The following GRIN2A variants were observed in gnomAD, a reference collection of about 807,000 sequenced individuals.
GRIN2A encodes glutamate receptor ionotropic, NMDA 2A.
A neutral mutation model predicts 113.4 loss-of-function variants in GRIN2A; 22 were observed. The observed-to-expected ratio is 0.19, with a 90% CI of 0.14 to 0.28. The LOEUF is 0.28. GRIN2A is among the 10% of genes least tolerant of loss of function. The pLI, the probability that GRIN2A is intolerant of heterozygous loss-of-function variation, is 1.00. For missense variants in GRIN2A, 1,502 were observed against 1,887.0 expected (o/e 0.80, Z 3.78); for synonymous variants, 827 against 738.4 (o/e 1.12, Z -1.94).
intron 11 of GRIN2A, among the ~76,000 whole-genome samples, chr16:9,790,140 T>C (rs565505516): frequency 6.6e-6 from 1 of 152,282 alleles, no homozygotes; most frequent in South Asian, 2.1e-4. Flanking sequence ...TACTGGAGGC[T>C]TTTATGATTT....
At chr16:10,021,043 C>T (rs548691241) in intron 2 of GRIN2A, among the ~76,000 whole-genome samples, 2 of 152,306 alleles carry the variant, frequency 1.3e-5, no homozygotes, top group African/African-American at 4.8e-5. Flanking sequence ...AACATCTAAT[C>T]AGCCCTAATT....
chr16:9,964,059 C>T (rs548866664), intron 2 of GRIN2A, among the ~76,000 whole-genome samples: 7 of 152,108 alleles, frequency 4.6e-5, no homozygotes, highest in Non-Finnish European at 1.0e-4. Flanking sequence ...GGGTTGATTG[C>T]AAATTTGGAG....
At chr16:10,010,298 TA>T (rs1160221907) in intron 2 of GRIN2A, among the ~76,000 whole-genome samples, 1 of 152,232 alleles carries the variant, frequency 6.6e-6, no homozygotes, top group Admixed American at 6.5e-5. Flanking sequence ...TCCACAGCCT[TA>T]TTTTTCTTAG....
At chr16:9,852,056 G>T (rs962064101) in intron 4 of GRIN2A, among the ~76,000 whole-genome samples, 2 of 152,122 alleles carry the variant, frequency 1.3e-5, no homozygotes, top group African/African-American at 2.4e-5. Context: ...TAACTTTTGA[G>T]CACTCCTGTA....
At chr16:9,768,711 A>C in intron 12 of GRIN2A, 140 bp downstream of exon 12, 1 of 768,908 alleles carries the variant, frequency 1.3e-6, no homozygotes. Flanking sequence ...TTATGAATGC[A>C]CAAAATCTGG....
chr16:9,989,520 C>G (rs2046058609), intron 2 of GRIN2A, among the ~76,000 whole-genome samples: 1 of 150,326 alleles, frequency 6.7e-6, no homozygotes, highest in Non-Finnish European at 1.5e-5. Context: ...GCAAATGCAA[C>G]AAAAAAAAAT....
chr16:9,887,786 G>A (rs1347773759), intron 4 of GRIN2A, among the ~76,000 whole-genome samples: 3 of 152,134 alleles, frequency 2.0e-5, no homozygotes, highest in South Asian at 2.1e-4. Context: ...TTGGCCAGGC[G>A]CGTGGCTCAC....
Position 9,761,729 on chromosome 16 carries a change from G to T in GRIN2A, c.*1420C>A. ...CTGTCTCTAACTTAAAAAAAAAATG[G>T]ATATCATTTCATGTCATATATGCAC... On this transcript the variant is annotated 3_prime_UTR_variant, in exon 13 of 13. Coordinates refer to ENST00000330684, the MANE Select transcript of GRIN2A (RefSeq NM_001134407.3). The T allele has an allele frequency of 4.5e-6, 1 of 220,436 alleles. No homozygotes were observed. The highest frequency in any genetic ancestry group is 9.1e-6 in the Non-Finnish European group (1 of 110,062). 13.7% of individuals were successfully genotyped at this position (220,436 alleles called of 1,614,324 possible).
chr16:9,980,836 T>G (rs2045878256), intron 2 of GRIN2A, among the ~76,000 whole-genome samples: 2 of 71,816 alleles, frequency 2.8e-5, no homozygotes, highest in South Asian at 1.1e-3. Context: ...CAGGGACTGT[T>G]GTGGGGTGGG....
intron 2 of GRIN2A, among the ~76,000 whole-genome samples, chr16:10,101,834 G>A (rs1407557714): frequency 6.6e-6 from 1 of 152,168 alleles, no homozygotes; most frequent in Non-Finnish European, 1.5e-5. Flanking sequence ...AGGAGGGAAT[G>A]GTTATTGCTA....
intron 4 of GRIN2A, among the ~76,000 whole-genome samples, chr16:9,861,115 C>T (rs144383926): frequency 6.0e-4 from 91 of 152,212 alleles, no homozygotes; most frequent in Non-Finnish European, 1.0e-3. Context: ...TCTGGCTGGA[C>T]CCAGTTAGCT....
At chr16:9,812,109 T>A (rs1249242831) in intron 10 of GRIN2A, among the ~76,000 whole-genome samples, 1 of 152,144 alleles carries the variant, frequency 6.6e-6, no homozygotes, top group Non-Finnish European at 1.5e-5. Context: ...ATGAGAACAG[T>A]CATATTTTTT....
chr16:9,958,897 G>A (rs1342297209), intron 2 of GRIN2A, among the ~76,000 whole-genome samples: 1 of 152,170 alleles, frequency 6.6e-6, no homozygotes, highest in East Asian at 1.9e-4. Flanking sequence ...TACAGAAGGT[G>A]CCAGTGAATA....
intron 2 of GRIN2A, among the ~76,000 whole-genome samples, chr16:10,001,127 G>A (rs771446172): frequency 6.6e-4 from 101 of 152,188 alleles, no homozygotes; most frequent in African/African-American, 1.6e-3. Flanking sequence ...TCCTTTCTTC[G>A]CCTCAGTTTC....
chr16:10,086,884 C>A (rs1425821497), intron 2 of GRIN2A, among the ~76,000 whole-genome samples: 1 of 152,190 alleles, frequency 6.6e-6, no homozygotes, highest in African/African-American at 2.4e-5. Context: ...GCCTACCTAG[C>A]TGGATGATCC....
chr16:10,013,293 T>A (rs937055396), intron 2 of GRIN2A, among the ~76,000 whole-genome samples: 9 of 152,220 alleles, frequency 5.9e-5, no homozygotes, highest in Admixed American at 4.6e-4. Flanking sequence ...TTTCCTCTGT[T>A]CCTCTCCCAC....
chr16:9,768,238 AG>A lies in GRIN2A; in HGVS notation c.2595+612del, dbSNP rs200993589. Among the ~76,000 whole-genome samples, 409 of 150,982 alleles carry A rather than the reference AG, an allele frequency of 2.7e-3. 1 individual carries two copies. The highest frequency in any genetic ancestry group is 9.4e-3 in the African/African-American group (385 of 41,164). On this transcript the variant is annotated intron_variant, in intron 12 of 12. Transcript: ENST00000330684. ...TAATTTTTTGTGTTTTTAGTAGAGAAGGGGGGGGTCTCACCGTGTTAGCCAG... is the reference window on the plus strand; with the variant it reads ...TAATTTTTTGTGTTTTTAGTAGAGAAGGGGGGGTCTCACCGTGTTAGCCAG...
At chr16:10,014,712 G>A (rs1193336589) in intron 2 of GRIN2A, among the ~76,000 whole-genome samples, 1 of 152,044 alleles carries the variant, frequency 6.6e-6, no homozygotes, top group Non-Finnish European at 1.5e-5. Flanking sequence ...AAGAAATGAG[G>A]GTGTCTCAAG....
chr16:9,807,257 G>C (rs1335855874), intron 10 of GRIN2A, among the ~76,000 whole-genome samples: 1 of 26,562 alleles, frequency 3.8e-5, no homozygotes, highest in African/African-American at 1.8e-4. Context: ...GGAGGGGAGA[G>C]AGGGAGGGAG....
Sources: allele counts gnomAD v4.1 joint callset (sites outside exome capture counted in the v4.1 genomes callset), GRCh38; gene constraint gnomAD v4.1.1; transcripts MANE v1.5; gene names NCBI Gene and HGNC (gene_info 2026-07-23, HGNC 2026-07-21).